Variants in TMTC2 observed in about 807,000 individuals in gnomAD.
The protein encoded by TMTC2 is protein O-mannosyl-transferase TMTC2.
Under a neutral mutation model 82.4 loss-of-function variants are expected in TMTC2, and 43 were observed. That is an observed-to-expected ratio of 0.52 (90% CI 0.41 to 0.67). TMTC2 has a LOEUF of 0.67. TMTC2 is among the 30% of genes least tolerant of loss of function. The pLI, the probability that TMTC2 is intolerant of heterozygous loss-of-function variation, is 0.00. For synonymous variants in TMTC2, 408 were observed against 381.9 expected (o/e 1.07, Z -0.80); for missense variants, 919 against 1,012.4 (o/e 0.91, Z 1.25).
chr12:82,774,402 C>T (rs1323695627), intron 1 of TMTC2, among the ~76,000 whole-genome samples: 1 of 151,968 alleles, frequency 6.6e-6, no homozygotes, highest in African/African-American at 2.4e-5. Context: ...GGGTGGATTA[C>T]CTGAGGTCAG....
At chr12:82,963,027 C>CA (rs1159051985) in intron 4 of TMTC2, among the ~76,000 whole-genome samples, 2 of 151,880 alleles carry the variant, frequency 1.3e-5, no homozygotes, top group Non-Finnish European at 2.9e-5. Context: ...CACATAGGTG[C>CA]ACTATTTTGA....
chr12:82,851,167 C>A (rs1285759569), intron 1 of TMTC2, among the ~76,000 whole-genome samples: 1 of 152,074 alleles, frequency 6.6e-6, no homozygotes, highest in Non-Finnish European at 1.5e-5. Flanking sequence ...CTGTGACTCA[C>A]GCCTGTAATC....
chr12:82,716,075 G>T (rs1001490383), intron 1 of TMTC2, among the ~76,000 whole-genome samples: 1 of 152,166 alleles, frequency 6.6e-6, no homozygotes, highest in Non-Finnish European at 1.5e-5. Flanking sequence ...GGAAAACTTG[G>T]TGTCTAAATT....
intron 8 of TMTC2, among the ~76,000 whole-genome samples, chr12:83,010,450 TCTC>T (rs994557286): frequency 6.6e-6 from 1 of 152,250 alleles, no homozygotes; most frequent in African/African-American, 2.4e-5. Context: ...GTTGACCAGC[TCTC>T]CTCTTCCTTA....
At chr12:82,762,339 C>T (rs745889410) in intron 1 of TMTC2, among the ~76,000 whole-genome samples, 5 of 152,110 alleles carry the variant, frequency 3.3e-5, no homozygotes, top group Non-Finnish European at 7.4e-5. Context: ...CTCCTTAACT[C>T]ACTCATCCCC....
chr12:82,998,656 A>T (rs1158595509), intron 8 of TMTC2, among the ~76,000 whole-genome samples: 2 of 152,166 alleles, frequency 1.3e-5, no homozygotes, highest in Admixed American at 6.5e-5. Context: ...TATACAGAAT[A>T]ATACATCAGA....
intron 9 of TMTC2, among the ~76,000 whole-genome samples, chr12:83,034,699 G>A (rs1215789742): frequency 6.6e-6 from 1 of 152,150 alleles, no homozygotes; most frequent in Non-Finnish European, 1.5e-5. Context: ...CATAAGAGTA[G>A]GGATGGTGTG....
At chr12:82,761,915 T>C (rs1435594659) in intron 1 of TMTC2, among the ~76,000 whole-genome samples, 1 of 151,524 alleles carries the variant, frequency 6.6e-6, no homozygotes, top group Non-Finnish European at 1.5e-5. Context: ...TTTTTCTTTT[T>C]CTTTCTCTTT....
At chr12:82,853,491 GT>G (rs1871094690) in intron 1 of TMTC2, among the ~76,000 whole-genome samples, 1 of 152,198 alleles carries the variant, frequency 6.6e-6, no homozygotes, top group Admixed American at 6.5e-5. Flanking sequence ...GTCTTTGGAT[GT>G]AGTATATCTC....
intron 8 of TMTC2, among the ~76,000 whole-genome samples, chr12:83,024,850 A>C (rs1447123080): frequency 6.6e-6 from 1 of 152,190 alleles, no homozygotes; most frequent in Admixed American, 6.5e-5. Context: ...ATTTACTAAT[A>C]ACATGTAAAT....
intron 8 of TMTC2, among the ~76,000 whole-genome samples, chr12:83,017,596 T>C (rs188386967): frequency 2.7e-4 from 41 of 152,308 alleles, no homozygotes; most frequent in African/African-American, 9.6e-4. Context: ...CTCACTGCTT[T>C]CCCCAGTCTT....
At position 83,132,214 on chromosome 12, in the gene TMTC2, C is replaced by T. The variant is rs768504200; in HGVS notation, c.2336C>T (p.Pro779Leu). Residue 779 changes from proline (P) to leucine (L), a missense_variant, in exon 12 of 12, where the codon CCG (proline) becomes CTG (leucine). By Grantham distance (98) the Pro-to-Leu change is moderately conservative. Coordinates refer to ENST00000321196, the MANE Select transcript of TMTC2 (RefSeq NM_152588.3). ...DLAARLRPNYPAALMNLGAIL... is the reference protein window; with the variant it reads ...DLAARLRPNYLAALMNLGAIL... ...TCCTTCTTTCTCTTGTTGCAGTATC[C>T]GGCTGCTTTGATGAACCTGGGAGCC... 4.4e-5 allele frequency: 70 copies of T among 1,604,960 alleles called. No individual in the cohort carries two copies. The highest frequency in any genetic ancestry group is 5.3e-5 in the Non-Finnish European group (62 of 1,176,756).
intron 4 of TMTC2, among the ~76,000 whole-genome samples, chr12:82,939,185 G>T (rs1435211859): frequency 6.6e-6 from 1 of 151,962 alleles, no homozygotes; most frequent in Admixed American, 6.6e-5. Context: ...TTTTCCTGGG[G>T]ATTTACTGTT....
rs187547335 is a variant in TMTC2, at chr12:82,801,273, C to T, written c.84-55737C>T. 1.2e-3 allele frequency among the ~76,000 whole-genome samples: 181 copies of T among 152,130 alleles called. 1 individual carries two copies. Among genetic ancestry groups the T allele is most frequent in the Middle Eastern group, 3.4e-3 (1 of 294 alleles). Reference sequence around the variant, plus strand: ...GTGTCCGGAGTTTGTTCTTTCCTCCCGGTGGGTTTGTGGTCTCCCTGGCTC... The same window carrying T: ...GTGTCCGGAGTTTGTTCTTTCCTCCTGGTGGGTTTGTGGTCTCCCTGGCTC... On this transcript the variant is annotated intron_variant, in intron 1 of 11. Transcript: ENST00000321196.
rs183554082 is a variant in TMTC2 at position 83,006,785 on chromosome 12, G to A, written c.2070+20739G>A. Among the ~76,000 whole-genome samples, 358 of 152,336 alleles carry A rather than the reference G, an allele frequency of 2.4e-3. 3 individuals carry two copies. The highest frequency in any genetic ancestry group is 8.2e-3 in the African/African-American group (342 of 41,566). On this transcript the variant is annotated intron_variant, in intron 8 of 11. Transcript: ENST00000321196. ...ATGCTATGCAGCCATAAAAAGATGAGTTCATGTCCTTTGCAGGGATATGGA... is the reference window on the plus strand; with the variant it reads ...ATGCTATGCAGCCATAAAAAGATGAATTCATGTCCTTTGCAGGGATATGGA...
chr12:82,811,848 C>T (rs551318640), intron 1 of TMTC2, among the ~76,000 whole-genome samples: 11 of 125,670 alleles, frequency 8.8e-5, no homozygotes, highest in African/African-American at 2.4e-4. Flanking sequence ...GATGGAGTCT[C>T]GCTCTGTCGC....
At chr12:82,776,832 G>A (rs946459975) in intron 1 of TMTC2, among the ~76,000 whole-genome samples, 3 of 152,076 alleles carry the variant, frequency 2.0e-5, no homozygotes, top group Non-Finnish European at 4.4e-5. Context: ...CAGCTACATG[G>A]GAGAATAAAC....
intron 2 of TMTC2, among the ~76,000 whole-genome samples, chr12:82,888,309 T>C (rs774462758): frequency 1.3e-5 from 2 of 152,212 alleles, no homozygotes; most frequent in Non-Finnish European, 2.9e-5. Context: ...CCAGAACATA[T>C]GCTACTACTT....
chr12:82,969,414 A>G (rs1255395501), intron 7 of TMTC2, among the ~76,000 whole-genome samples: 1 of 151,770 alleles, frequency 6.6e-6, no homozygotes, highest in Non-Finnish European at 1.5e-5. Context: ...TTCCCATTCT[A>G]TTTTTTTCTT....
Sources: allele counts gnomAD v4.1 joint callset (sites outside exome capture counted in the v4.1 genomes callset), GRCh38; gene constraint gnomAD v4.1.1; transcripts MANE v1.5; gene names NCBI Gene and HGNC (gene_info 2026-07-23, HGNC 2026-07-21).